KCNJ15: variants seen among roughly 807,000 people sequenced by gnomAD.
KCNJ15 encodes the protein ATP-sensitive inward rectifier potassium channel 15.
Under a neutral mutation model 23.0 loss-of-function variants are expected in KCNJ15, and 14 were observed. The observed-to-expected ratio is 0.61, with a 90% confidence interval of 0.40 to 0.95. The LOEUF (loss-of-function observed/expected upper bound fraction) is 0.95, where lower values mean the gene tolerates loss of function less well. KCNJ15 is among the 40% of genes least tolerant of loss of function. The probability of loss-of-function intolerance (pLI) is 0.00; values close to 1 mark genes in which losing one functional copy is unlikely to be tolerated. For synonymous variants in KCNJ15, 185 were observed against 183.2 expected, an observed-to-expected ratio of 1.01 and a Z score of -0.08; for missense variants, 388 against 461.8, an observed-to-expected ratio of 0.84 and a Z score of 1.46.
At position 38,299,237 on chromosome 21, in the gene KCNJ15, C is replaced by A. The variant is rs1330029103; in HGVS notation, c.-18-7C>A. Reference sequence around the variant, plus strand: ...CGATAATGAAACATCTTTGTCATTTCTCTAAGTGTTTCCAGAGCCTGGCAA... The same window carrying A: ...CGATAATGAAACATCTTTGTCATTTATCTAAGTGTTTCCAGAGCCTGGCAA... On this transcript the variant is annotated splice_polypyrimidine_tract_variant and splice_region_variant and intron_variant, in intron 2 of 2. Transcript: ENST00000398938. This position sits in a 1 kb window ranked among gnomAD's most constrained non-coding sequence, Gnocchi z 4.5. 8.2e-6 allele frequency: 13 copies of A among 1,589,304 alleles called. No homozygotes were observed. The highest frequency in any genetic ancestry group is 1.3e-5 in the African/African-American group (1 of 74,230).
chr21:38,264,590 T>C (rs1330368048), intron 1 of KCNJ15, among the ~76,000 whole-genome samples: 1 of 152,276 alleles, frequency 6.6e-6, no homozygotes, highest in Non-Finnish European at 1.5e-5. Context: ...ATTTTTGCTA[T>C]AATTACATCT....
intron 1 of KCNJ15, chr21:38,238,516 A>G: frequency 1.6e-6 from 1 of 641,742 alleles, no homozygotes; most frequent in Non-Finnish European, 3.0e-6. Flanking sequence ...GAGGGCACGG[A>G]CCATCTCCGG....
chr21:38,259,565 C>A (rs1980666984), intron 1 of KCNJ15, among the ~76,000 whole-genome samples: 1 of 152,190 alleles, frequency 6.6e-6, no homozygotes. Context: ...AAAGCCATTA[C>A]ATGAGTTAAT....
In KCNJ15 at chr21:38,259,851, T is replaced by C. The variant is rs553670437; in HGVS notation, c.-117+2666T>C. 1.0e-3 allele frequency among the ~76,000 whole-genome samples: 153 copies of C among 152,228 alleles called. 2 individuals are homozygous for C. In the South Asian group the frequency reaches 0.032, roughly 32 times the overall value. On this transcript the variant is annotated intron_variant, in intron 1 of 2. Coordinates refer to ENST00000398938, the MANE Select transcript of KCNJ15 (RefSeq NM_170736.3). ...GGAGACAGGTCTGACTGAACACACC[T>C]GGCTCAGGTAACTTCCTGGTGCCAG...
chr21:38,299,418 G>A lies in KCNJ15; in HGVS notation c.157G>A (p.Asp53Asn). 1 of 1,614,200 alleles carries A rather than the reference G, an allele frequency of 6.2e-7. No homozygotes were observed. The highest frequency in any genetic ancestry group is 8.5e-7 in the Non-Finnish European group (1 of 1,180,040). Residue 53 changes from aspartate to asparagine, a missense_variant, in exon 3 of 3, where the codon GAC becomes AAC. Coordinates refer to ENST00000398938, the MANE Select transcript of KCNJ15 (RefSeq NM_170736.3). The surrounding 1 kb of genome is among the most constrained non-coding windows in gnomAD (Gnocchi z 4.5). Reference protein sequence around the residue: ...VDGIYLLYLQDLWTTVIDMKW... With the variant: ...VDGIYLLYLQNLWTTVIDMKW... ...TGGCATATACCTACTCTACCTGCAA[G>A]ACCTGTGGACCACAGTTATCGACAT...
At chr21:38,235,279 C>T (rs1978524930) in intron 1 of KCNJ15, among the ~76,000 whole-genome samples, 1 of 151,508 alleles carries the variant, frequency 6.6e-6, no homozygotes, top group Non-Finnish European at 1.5e-5. Context: ...TGGGACTGGG[C>T]ATGGTGGCTC....
chr21:38,241,589 TC>T lies in KCNJ15; in HGVS notation c.-398-15456del, dbSNP rs567362111. 1.9e-3 allele frequency among the ~76,000 whole-genome samples: 282 copies of T among 152,298 alleles called. 2 individuals are homozygous for T. Among genetic ancestry groups the T allele is most frequent in the African/African-American group, 6.5e-3 (272 of 41,554 alleles). On this transcript the variant is annotated intron_variant, in intron 1 of 4. Coordinates refer to the KCNJ15 transcript ENST00000547341. ...ATGCTGAGGCAACTACCTAAATAAA[TC>T]TGGGCAAAATATACTATCGAAGCAA...
intron 1 of KCNJ15, among the ~76,000 whole-genome samples, chr21:38,245,139 C>T (rs533836804): frequency 2.6e-5 from 4 of 151,930 alleles, no homozygotes; most frequent in Admixed American, 1.3e-4. Flanking sequence ...GAGAGAGAGG[C>T]TCAGGGGAAG....
rs1171718120 is a variant in KCNJ15 at position 38,288,026 on chromosome 21, C to CTTTTTTTTTTTTTTATT, written c.-116-8897_-116-8896insTTTTTTTTTTTATTTTT. ...CCATTGTTAAATAACTTGTTTTTTT[C>CTTTTTTTTTTTTTTATT]TTTGTTTTTTTTTTTTTTTTTTTTT... On this transcript the variant is annotated intron_variant, in intron 1 of 2. Transcript: ENST00000398938. 2.6e-5 allele frequency among the ~76,000 whole-genome samples: 2 copies of CTTTTTTTTTTTTTTATT among 78,170 alleles called. 1 individual carries two copies. Among genetic ancestry groups the CTTTTTTTTTTTTTTATT allele is most frequent in the Non-Finnish European group, 4.5e-5 (2 of 44,190 alleles). 51.3% of individuals were successfully genotyped at this position (78,170 alleles called of 152,430 possible). A position where few individuals can be genotyped will look rare whatever the true frequency, so the allele number is the denominator to read the frequency against.
At chr21:38,272,122 A>G (rs1982163919) in intron 1 of KCNJ15, 1 of 152,220 alleles carries the variant, frequency 6.6e-6, no homozygotes, top group South Asian at 2.1e-4. Context: ...TGAAGAATTA[A>G]AAAACTTACT....
intron 1 of KCNJ15, among the ~76,000 whole-genome samples, chr21:38,281,622 A>G (rs932804431): frequency 6.6e-6 from 1 of 152,218 alleles, no homozygotes; most frequent in African/African-American, 2.4e-5. Flanking sequence ...TTATGGCTGC[A>G]TAGTATTCTG....
intron 1 of KCNJ15, among the ~76,000 whole-genome samples, chr21:38,272,967 T>G (rs1982258422): frequency 6.6e-6 from 1 of 152,198 alleles, no homozygotes; most frequent in Non-Finnish European, 1.5e-5. Context: ...TCAATAGTAA[T>G]GCACCAAACA....
Position 38,303,719 on chromosome 21 carries a change from C to T in KCNJ15, c.*3330C>T, listed in dbSNP as rs914764314. The T allele has an allele frequency of 2.0e-4, 31 of 152,060 alleles. No individual in the cohort carries two copies. The highest frequency in any genetic ancestry group is 2.0e-3 in the Admixed American group (31 of 15,272). 9.4% of individuals were successfully genotyped at this position (152,060 alleles called of 1,614,324 possible). ...TTGGATTTTTATTTGAATTAAATTTCCCAATTTTTAATAGACTGTGATTTC... is the reference window on the plus strand; with the variant it reads ...TTGGATTTTTATTTGAATTAAATTTTCCAATTTTTAATAGACTGTGATTTC... On this transcript the variant is annotated 3_prime_UTR_variant, in exon 3 of 3. Transcript: ENST00000398938.
chr21:38,237,945 C>T (rs28459266), intron 1 of KCNJ15, among the ~76,000 whole-genome samples: 70,190 of 151,718 alleles, frequency 0.46, 17,019 homozygotes, highest in East Asian at 0.86. Context: ...AACACACAAG[C>T]TAAAAACAAC....
At chr21:38,254,367 A>G (rs1465483974), upstream of KCNJ15, among the ~76,000 whole-genome samples, 1 of 152,250 alleles carries the variant, frequency 6.6e-6, no homozygotes, top group East Asian at 1.9e-4. Context: ...ATGAAAAGTA[A>G]CAAAAACAGG....
intron 1 of KCNJ15, among the ~76,000 whole-genome samples, chr21:38,259,698 A>G (rs556939034): frequency 6.6e-6 from 1 of 152,326 alleles, no homozygotes; most frequent in East Asian, 1.9e-4. Flanking sequence ...ATCTCATAAA[A>G]GCCACCTCAG....
chr21:38,291,547 A>G (rs990679249), intron 1 of KCNJ15: 1 of 152,224 alleles, frequency 6.6e-6, no homozygotes, highest in Non-Finnish European at 1.5e-5. Flanking sequence ...TTTGAAAGTA[A>G]TGAGACTAAA....
chr21:38,262,208 T>C (rs1311662286), intron 1 of KCNJ15, among the ~76,000 whole-genome samples: 1 of 152,212 alleles, frequency 6.6e-6, no homozygotes, highest in Non-Finnish European at 1.5e-5. Context: ...GTTTATGAAA[T>C]TTGTCATCAT....
chr21:38,293,475 A>G (rs961008437), intron 1 of KCNJ15, among the ~76,000 whole-genome samples: 1 of 152,222 alleles, frequency 6.6e-6, no homozygotes, highest in African/African-American at 2.4e-5. Context: ...CGAGAGGCAC[A>G]GCAAATAGTT....
Sources: gnomAD v4.1 joint callset for allele counts (sites outside exome capture counted in the v4.1 genomes callset) on GRCh38, gnomAD v4.1.1 for gene constraint, Gnocchi (gnomAD v3.1) non-coding constraint, MANE v1.5 for transcripts, NCBI Gene and HGNC (gene_info 2026-07-23, HGNC 2026-07-21) for gene names.